LGALS8: variants seen among roughly 807,000 people sequenced by gnomAD.
LGALS8 encodes the protein galectin-8.
Under a neutral mutation model 35.9 loss-of-function variants are expected in LGALS8, and 30 were observed. That is an observed-to-expected ratio of 0.83 (90% CI 0.62 to 1.13). The LOEUF is 1.13. Among genes scored for constraint, LGALS8 ranks in the 50% most tolerant of loss-of-function variants. The pLI is 0.00. For synonymous variants in LGALS8, 138 were observed against 136.1 expected (o/e 1.01, Z -0.10); for missense variants, 366 against 388.7 (o/e 0.94, Z 0.49).
upstream of LGALS8, among the ~76,000 whole-genome samples, chr1:236,522,681 A>G (rs1376910580): frequency 6.6e-6 from 1 of 152,254 alleles, no homozygotes; most frequent in Non-Finnish European, 1.5e-5. Flanking sequence ...TGGAGACTGT[A>G]TAAGACAAGT....
chr1:236,547,756 G>T (rs1230429175), intron 9 of LGALS8, among the ~76,000 whole-genome samples: 1 of 152,176 alleles, frequency 6.6e-6, no homozygotes, highest in African/African-American at 2.4e-5. Flanking sequence ...AGGAAAGGAG[G>T]GCCGCAGGCC....
chr1:236,540,678 A>G lies in LGALS8; in HGVS notation c.460A>G (p.Ser154Gly), dbSNP rs916271500. Residue 154 changes from serine to glycine, a missense_variant, in exon 5 of 10, where the codon AGC becomes GGC. Ser to Gly is a moderately conservative substitution (Grantham distance 56). Coordinates refer to ENST00000366584, the MANE Select transcript of LGALS8 (RefSeq NM_201544.4). ...VNIHSIGFSF[S>G]SDLQSTQASS... is the part of the protein sequence containing the mutation. Reference sequence around the variant, plus strand: ...TATTCACTCAATTGGTTTTAGCTTCAGCTCGGTGAGTGACCTTCCACAGCT... The same window carrying G: ...TATTCACTCAATTGGTTTTAGCTTCGGCTCGGTGAGTGACCTTCCACAGCT... The G allele has an allele frequency of 6.2e-7, 1 of 1,606,058 alleles. No homozygotes were observed. The highest frequency in any genetic ancestry group is 1.3e-5 in the African/African-American group (1 of 74,544).
upstream of LGALS8, chr1:236,523,807 G>A: frequency 2.9e-6 from 1 of 348,882 alleles, no homozygotes; most frequent in South Asian, 2.1e-5. Context: ...GCAGGAGGCC[G>A]AGCTGGGTGG....
At chr1:236,524,141 G>C (rs140442965) in intron 1 of LGALS8, 80 bp downstream of exon 1, 1 of 456,536 alleles carries the variant, frequency 2.2e-6, no homozygotes, top group African/African-American at 2.0e-5. Flanking sequence ...GCCAGTGGAG[G>C]ATGGCATTCG....
At chr1:236,545,875 A>C (rs1662331311) in intron 9 of LGALS8, among the ~76,000 whole-genome samples, 2 of 152,126 alleles carry the variant, frequency 1.3e-5, no homozygotes, top group Non-Finnish European at 2.9e-5. Context: ...ACAAGTCCTT[A>C]GAGGTGGGAA....
intron 4 of LGALS8, chr1:236,540,120 T>C (rs1661874019): frequency 6.4e-6 from 1 of 157,192 alleles, no homozygotes; most frequent in East Asian, 1.9e-4. Context: ...CATATTAATT[T>C]ATTTAGCAAA....
upstream of LGALS8, among the ~76,000 whole-genome samples, chr1:236,519,948 ATT>A (rs35589317): frequency 0.08 from 8,749 of 109,190 alleles, 447 homozygotes; most frequent in African/African-American, 0.17. Context: ...GTTTTGTACA[ATT>A]TTTTTTTTTT....
upstream of LGALS8, among the ~76,000 whole-genome samples, chr1:236,522,280 C>A (rs1660575740): frequency 6.6e-6 from 1 of 152,144 alleles, no homozygotes; most frequent in Non-Finnish European, 1.5e-5. Flanking sequence ...GTACTTATTT[C>A]AACTTATTTT....
chr1:236,543,283 ACAGGGGGC>A, intron 7 of LGALS8: 1 of 637,196 alleles, frequency 1.6e-6, no homozygotes, highest in Admixed American at 2.3e-5. Flanking sequence ...GACCCCAGGC[ACAGGGGGC>A]CTTCCTGGCG....
intron 2 of LGALS8, among the ~76,000 whole-genome samples, chr1:236,537,125 T>TCCTGCC (rs1661579427): frequency 1.3e-5 from 2 of 151,230 alleles, no homozygotes; most frequent in Non-Finnish European, 2.9e-5. Context: ...CGTGCCATTC[T>TCCTGCC]CCTGCCTCAG....
At chr1:236,546,947 G>A (rs1425294713) in intron 9 of LGALS8, among the ~76,000 whole-genome samples, 1 of 152,212 alleles carries the variant, frequency 6.6e-6, no homozygotes, top group African/African-American at 2.4e-5. Context: ...TGTTATCAGA[G>A]TGCAGGACTT....
Position 236,538,875 on chromosome 1 carries a change from A to G in LGALS8, c.135-4A>G. On this transcript the variant is annotated splice_region_variant and splice_polypyrimidine_tract_variant and intron_variant, in intron 3 of 9. Transcript: ENST00000366584. Reference sequence around the variant, plus strand: ...ATGGGGCCCCTGTGTCTTCCCTCATATAGATTCCAGGTGGATCTGCAGAAT... The same window carrying G: ...ATGGGGCCCCTGTGTCTTCCCTCATGTAGATTCCAGGTGGATCTGCAGAAT... The G allele has an allele frequency of 1.2e-6, 2 of 1,610,846 alleles. No homozygotes were observed. The highest frequency in any genetic ancestry group is 1.1e-5 in the South Asian group (1 of 90,972).
At chr1:236,539,145 G>A (rs1466924385) in intron 4 of LGALS8, 56 bp downstream of exon 4, 3 of 1,397,350 alleles carry the variant, frequency 2.1e-6, no homozygotes, top group Non-Finnish European at 3.0e-6. Context: ...AGTGCACAGG[G>A]GTGCTTTTCA....
At chr1:236,546,211 A>G (rs1572020728) in intron 9 of LGALS8, among the ~76,000 whole-genome samples, 1 of 152,214 alleles carries the variant, frequency 6.6e-6, no homozygotes, top group African/African-American at 2.4e-5. Context: ...AGTGAAAGGG[A>G]TGGCTGGCTG....
upstream of LGALS8, among the ~76,000 whole-genome samples, chr1:236,519,206 C>T (rs1660485718): frequency 7.1e-6 from 1 of 140,938 alleles, no homozygotes; most frequent in Admixed American, 7.4e-5. Flanking sequence ...CTGGGCAACA[C>T]AGTGGGACCC....
chr1:236,522,689 A>C (rs867435517), upstream of LGALS8, among the ~76,000 whole-genome samples: 11 of 152,366 alleles, frequency 7.2e-5, no homozygotes, highest in Middle Eastern at 3.4e-3. Context: ...GTATAAGACA[A>C]GTTCCTTTTC....
chr1:236,542,663 G>T, intron 6 of LGALS8, 98 bp from the exon 7 acceptor site: 1 of 1,292,930 alleles, frequency 7.7e-7, no homozygotes, highest in South Asian at 1.2e-5. Flanking sequence ...AACATCCCAG[G>T]CTCCGGCCAG....
Position 236,548,390 on chromosome 1 carries a change from C to T in LGALS8, c.*229C>T. 2 of 514,750 alleles carry T rather than the reference C, an allele frequency of 3.9e-6. No individual in the cohort carries two copies. Among genetic ancestry groups the T allele is most frequent in the Non-Finnish European group, 6.9e-6 (2 of 288,724 alleles). 31.9% of individuals were successfully genotyped at this position (514,750 alleles called of 1,614,324 possible). A position where few individuals can be genotyped will look rare whatever the true frequency, so the allele number is the denominator to read the frequency against. Reference sequence around the variant, plus strand: ...CTTATAGCCAGTTAAAGCCACTCTGCCCTCTCTCCTACTTTGGCTGACTCT... The same window carrying T: ...CTTATAGCCAGTTAAAGCCACTCTGTCCTCTCTCCTACTTTGGCTGACTCT... On this transcript the variant is annotated 3_prime_UTR_variant, in exon 10 of 10. Transcript: ENST00000366584.
chr1:236,519,553 G>C (rs4420073), upstream of LGALS8, among the ~76,000 whole-genome samples: 27,532 of 152,118 alleles, frequency 0.18, 2,802 homozygotes, highest in Admixed American at 0.31. Context: ...CAAATAATTG[G>C]CAATATCTAT....
Sources: allele counts gnomAD v4.1 joint callset (sites outside exome capture counted in the v4.1 genomes callset), GRCh38; gene constraint gnomAD v4.1.1; transcripts MANE v1.5; gene names NCBI Gene and HGNC (gene_info 2026-07-23, HGNC 2026-07-21).